Variants in NRCAM observed in about 807,000 individuals in gnomAD.
NRCAM encodes NgCAM-related cell adhesion molecule.
In NRCAM, 83 loss-of-function variants were observed where a neutral mutation model predicts 156.5. The observed-to-expected ratio is 0.53, with a 90% CI of 0.44 to 0.64. The LOEUF is 0.64. Ranked by LOEUF, NRCAM falls within the 30% of genes least tolerant of loss-of-function variation. NRCAM has a pLI of 0.00. For missense variants in NRCAM, 1,417 were observed against 1,597.3 expected (o/e 0.89, Z 1.92); for synonymous variants, 538 against 563.9 (o/e 0.95, Z 0.65).
In NRCAM at chr7:108,402,218, A is replaced by G. The variant is rs6969071; in HGVS notation, c.-331-2625T>C. Among the ~76,000 whole-genome samples the G allele has an allele frequency of 9.1e-3, 1,390 of 152,316 alleles. 27 individuals are homozygous for G. Among genetic ancestry groups the G allele is most frequent in the African/African-American group, 0.031 (1,309 of 41,568 alleles). ...CCTAACATTCTTACATTCATCTTCA[A>G]TCCTCTTAAGAGAAGTATCCATGTC... On this transcript the variant is annotated intron_variant, in intron 1 of 32. Coordinates refer to ENST00000379028, the MANE Select transcript of NRCAM (RefSeq NM_001037132.4).
chr7:108,301,964 T>C (rs2154154101), intron 3 of NRCAM, among the ~76,000 whole-genome samples: 1 of 152,122 alleles, frequency 6.6e-6, no homozygotes, highest in South Asian at 2.1e-4. Context: ...ATGAAATAAT[T>C]ATTAAGATGA....
In NRCAM at chr7:108,231,228, C is replaced by T. The variant is rs1386180993; in HGVS notation, c.428-75G>A. 7.4e-5 allele frequency: 79 copies of T among 1,071,130 alleles called. No individual in the cohort carries two copies. In the South Asian group the frequency reaches 9.3e-4, roughly 13 times the overall value. 66.4% of individuals were successfully genotyped at this position (1,071,130 alleles called of 1,614,324 possible). A position where few individuals can be genotyped will look rare whatever the true frequency, so the allele number is the denominator to read the frequency against. On this transcript the variant is annotated intron_variant, in intron 7 of 32. Transcript: ENST00000379028. Reference sequence around the variant, plus strand: ...AAAAAGAAAGCCCTACAAATAAAGGCAAACTGAAGTTTTGGAGAAATAATT... The same window carrying T: ...AAAAAGAAAGCCCTACAAATAAAGGTAAACTGAAGTTTTGGAGAAATAATT...
intron 2 of NRCAM, among the ~76,000 whole-genome samples, chr7:108,326,670 T>C (rs1451488196): frequency 6.6e-6 from 1 of 152,148 alleles, no homozygotes; most frequent in African/African-American, 2.4e-5. Flanking sequence ...AGCAGAAACA[T>C]ATTATTCTCA....
At chr7:108,427,962 A>G (rs1048300560) in intron 1 of NRCAM, among the ~76,000 whole-genome samples, 1 of 152,210 alleles carries the variant, frequency 6.6e-6, no homozygotes, top group Non-Finnish European at 1.5e-5. Context: ...GGAAAATGAA[A>G]TATCTCTGTT....
chr7:108,201,721 A>C (rs2078251917), intron 13 of NRCAM, among the ~76,000 whole-genome samples: 1 of 152,192 alleles, frequency 6.6e-6, no homozygotes, highest in South Asian at 2.1e-4. Context: ...TCTCAGTTGC[A>C]CTTTTCTTTG....
chr7:108,220,186 C>T (rs2091673371), intron 11 of NRCAM, among the ~76,000 whole-genome samples: 1 of 151,176 alleles, frequency 6.6e-6, no homozygotes, highest in South Asian at 2.1e-4. Flanking sequence ...CAAAACACTA[C>T]AAAAAGAAAT....
chr7:108,176,718 T>C, intron 26 of NRCAM, 112 bp from the exon 27 acceptor site: 2 of 756,018 alleles, frequency 2.6e-6, no homozygotes, highest in Non-Finnish European at 4.2e-6. Flanking sequence ...TTGACTTTTA[T>C]AATCCCACTC....
At chr7:108,150,510 G>A (rs1457391451) in intron 32 of NRCAM, among the ~76,000 whole-genome samples, 2 of 152,134 alleles carry the variant, frequency 1.3e-5, no homozygotes, top group African/African-American at 4.8e-5. Flanking sequence ...AAAAGCTTAT[G>A]GCAAGTAAAG....
intron 1 of NRCAM, among the ~76,000 whole-genome samples, chr7:108,448,132 C>T (rs1846465231): frequency 6.6e-6 from 1 of 152,136 alleles, no homozygotes; most frequent in Admixed American, 6.5e-5. Flanking sequence ...GTTTTTTAAA[C>T]CCCAGCACAT....
intron 13 of NRCAM, among the ~76,000 whole-genome samples, chr7:108,201,194 A>G (rs2077900829): frequency 6.6e-6 from 1 of 150,764 alleles, no homozygotes; most frequent in South Asian, 2.1e-4. Context: ...AAAAAAAAAG[A>G]AAAAGATTCT....
intron 3 of NRCAM, among the ~76,000 whole-genome samples, chr7:108,285,579 G>A (rs1387705561): frequency 6.6e-6 from 1 of 152,196 alleles, no homozygotes; most frequent in Non-Finnish European, 1.5e-5. Flanking sequence ...GGTCCAAACT[G>A]TTAATGGGGC....
At chr7:108,383,691 G>T (rs141680067) in intron 2 of NRCAM, among the ~76,000 whole-genome samples, 47 of 152,314 alleles carry the variant, frequency 3.1e-4, no homozygotes, top group African/African-American at 1.1e-3. Context: ...TTTTAATAAA[G>T]TACAGTCCCA....
At chr7:108,341,980 C>CT (rs2099285708) in intron 2 of NRCAM, among the ~76,000 whole-genome samples, 2 of 152,154 alleles carry the variant, frequency 1.3e-5, no homozygotes, top group Admixed American at 6.5e-5. Flanking sequence ...TTAAGGATGC[C>CT]TTTTTCTGCA....
intron 13 of NRCAM, among the ~76,000 whole-genome samples, 190 bp from the exon 14 acceptor site, chr7:108,198,289 C>T (rs2076174077): frequency 1.3e-5 from 2 of 152,082 alleles, no homozygotes; most frequent in African/African-American, 4.8e-5. Flanking sequence ...AGGGTATGTG[C>T]TCAATATTCA....
At chr7:108,403,723 G>A (rs1287019185) in intron 1 of NRCAM, among the ~76,000 whole-genome samples, 1 of 152,140 alleles carries the variant, frequency 6.6e-6, no homozygotes, top group Non-Finnish European at 1.5e-5. Context: ...TTTGTAGCTG[G>A]AGTAATTACC....
chr7:108,353,521 A>G (rs530332210), intron 2 of NRCAM, among the ~76,000 whole-genome samples: 8 of 151,974 alleles, frequency 5.3e-5, no homozygotes, highest in African/African-American at 1.7e-4. Context: ...GGCTCTCATT[A>G]TGTTGCCTAG....
chr7:108,278,187 C>G (rs1314343301), intron 3 of NRCAM, among the ~76,000 whole-genome samples: 1 of 152,240 alleles, frequency 6.6e-6, no homozygotes, highest in Admixed American at 6.5e-5. Flanking sequence ...ACAGGCTACA[C>G]AGGGGTCAGG....
chr7:108,241,844 A>G (rs2095548841), intron 3 of NRCAM, among the ~76,000 whole-genome samples: 1 of 152,190 alleles, frequency 6.6e-6, no homozygotes, highest in African/African-American at 2.4e-5. Context: ...TAGTTGTACG[A>G]TCATGTCTCT....
chr7:108,185,569 G>A (rs3819743), intron 20 of NRCAM, among the ~76,000 whole-genome samples: 102,884 of 151,450 alleles, frequency 0.68, 36,993 homozygotes, highest in East Asian at 0.96. Flanking sequence ...TCTACAGAAA[G>A]TTAACTGGGT....
Sources: gnomAD v4.1 joint callset for allele counts (sites outside exome capture counted in the v4.1 genomes callset) on GRCh38, gnomAD v4.1.1 for gene constraint, MANE v1.5 for transcripts, NCBI Gene and HGNC (gene_info 2026-07-23, HGNC 2026-07-21) for gene names.